HMBOX1: variants seen among roughly 807,000 people sequenced by gnomAD.
HMBOX1 encodes homeobox-containing protein 1.
In HMBOX1, 14 loss-of-function variants were observed where a neutral mutation model predicts 54.5. The observed-to-expected ratio is 0.26, with a 90% CI of 0.17 to 0.40. The LOEUF is 0.40. Among genes scored for constraint, HMBOX1 ranks in the 10% least tolerant of loss-of-function variants. The pLI, the probability that HMBOX1 is intolerant of heterozygous loss-of-function variation, is 1.00. For missense variants in HMBOX1, 332 were observed against 514.4 expected (o/e 0.65, Z 3.43); for synonymous variants, 160 against 181.0 (o/e 0.88, Z 0.93).
chr8:29,014,293 T>C (rs1156648933), intron 5 of HMBOX1, among the ~76,000 whole-genome samples: 4 of 152,226 alleles, frequency 2.6e-5, no homozygotes, highest in East Asian at 1.9e-4. Flanking sequence ...TGTAAGGAAA[T>C]AGACAACACA....
rs1338745166 is a variant in HMBOX1, at chr8:28,970,485, C to A, written c.466C>A (p.Leu156Ile). ...CAGTTTTGAAGCCTCAGAAGAGGAC[C>A]TAGATGTAGATGATAAAGTGGAAGA... Reference protein sequence around the residue: ...SYSFEASEEDLDVDDKVEELM... With the variant: ...SYSFEASEEDIDVDDKVEELM... Residue 156 changes from leucine (L) to isoleucine (I), a missense_variant, in exon 3 of 10, where the codon CTA becomes ATA. By Grantham distance (5) the Leu-to-Ile change is conservative. This residue lies in a region of HMBOX1 where 117 missense variants were observed against 220.0 expected (regional missense o/e 0.53). Coordinates refer to ENST00000287701, the MANE Select transcript of HMBOX1 (RefSeq NM_001135726.3). The surrounding 1 kb of genome is among the most constrained non-coding windows in gnomAD (Gnocchi z 4.3). 6.2e-7 allele frequency: 1 copy of A among 1,607,250 alleles called. No individual in the cohort carries two copies. The highest frequency in any genetic ancestry group is 8.5e-7 in the Non-Finnish European group (1 of 1,176,712).
chr8:28,936,688 T>G (rs1258184130), intron 1 of HMBOX1, among the ~76,000 whole-genome samples: 3 of 151,858 alleles, frequency 2.0e-5, no homozygotes, highest in Non-Finnish European at 1.5e-5. Flanking sequence ...AAATGAATCT[T>G]TTTAATATCT....
intron 4 of HMBOX1, among the ~76,000 whole-genome samples, chr8:29,002,065 T>C (rs1385275152): frequency 6.6e-6 from 1 of 152,196 alleles, no homozygotes; most frequent in Non-Finnish European, 1.5e-5. Flanking sequence ...CAATTTGTAT[T>C]GGCCAGGAAT....
chr8:28,977,974 A>AGAAG (rs1828716235), intron 3 of HMBOX1, among the ~76,000 whole-genome samples: 1 of 152,080 alleles, frequency 6.6e-6, no homozygotes, highest in Non-Finnish European at 1.5e-5. Context: ...AAAGAAAGAA[A>AGAAG]TATTTCAAAT....
chr8:28,896,784 C>T (rs1471497322), intron 1 of HMBOX1, among the ~76,000 whole-genome samples: 1 of 152,200 alleles, frequency 6.6e-6, no homozygotes, highest in Non-Finnish European at 1.5e-5. Flanking sequence ...ATGGTGTTCG[C>T]TCAACAATGA....
intron 4 of HMBOX1, among the ~76,000 whole-genome samples, chr8:28,988,748 A>G (rs1830514022): frequency 6.6e-6 from 1 of 151,984 alleles, no homozygotes; most frequent in Non-Finnish European, 1.5e-5. Flanking sequence ...CATGTCTGTC[A>G]AATCTTTTGT....
intron 1 of HMBOX1, among the ~76,000 whole-genome samples, chr8:28,936,980 G>C (rs1035486276): frequency 5.3e-5 from 8 of 151,976 alleles, no homozygotes; most frequent in African/African-American, 1.7e-4. Context: ...GGTGGTACAG[G>C]ATATAAGATG....
In HMBOX1 at chr8:29,018,789, A is replaced by G. The variant is rs376040742; in HGVS notation, c.727A>G (p.Ile243Val). 1 of 1,614,166 alleles carries G rather than the reference A, an allele frequency of 6.2e-7. No homozygotes were observed. The highest frequency in any genetic ancestry group is 1.7e-5 in the Admixed American group (1 of 60,026). ...GATLSMRPAP[I>V]PIEDPEWRQT... ...TACACTAAGTATGAGACCAGCCCCC[A>G]TTCCAATAGAGGACCCTGAATGGAG... Residue 243 changes from isoleucine to valine, a missense_variant, in exon 6 of 10, where the codon ATT (isoleucine) becomes GTT (valine). This residue lies in a region of HMBOX1 where 117 missense variants were observed against 220.0 expected (regional missense o/e 0.53). Transcript: ENST00000287701.
chr8:29,034,549 A>G (rs1803532468), intron 6 of HMBOX1, among the ~76,000 whole-genome samples: 1 of 152,176 alleles, frequency 6.6e-6, no homozygotes, highest in Admixed American at 6.5e-5. Flanking sequence ...TATCAGAATT[A>G]ATTTGGCTTT....
chr8:28,890,215 T>C, upstream of HMBOX1: 1 of 262,786 alleles, frequency 3.8e-6, no homozygotes, highest in Non-Finnish European at 7.4e-6. Context: ...CTGGGATGTG[T>C]AGTCCCGACG....
intron 1 of HMBOX1, among the ~76,000 whole-genome samples, chr8:28,911,878 C>A (rs1585729553): frequency 6.6e-6 from 1 of 152,088 alleles, no homozygotes; most frequent in African/African-American, 2.4e-5. Context: ...TACAGATGGT[C>A]CCCGACTTAC....
At chr8:29,010,820 A>T (rs968498935) in intron 5 of HMBOX1, among the ~76,000 whole-genome samples, 1 of 152,094 alleles carries the variant, frequency 6.6e-6, no homozygotes, top group Non-Finnish European at 1.5e-5. Flanking sequence ...TAGGTTGGAA[A>T]ATTGGGATAT....
chr8:29,050,962 G>C (rs1328917425), intron 9 of HMBOX1, 56 bp from the exon 10 acceptor site: 4 of 1,569,022 alleles, frequency 2.5e-6, no homozygotes, highest in Non-Finnish European at 2.6e-6. Flanking sequence ...ATGTCTCTCT[G>C]TGACTAAAGA....
intron 1 of HMBOX1, among the ~76,000 whole-genome samples, chr8:28,894,956 A>G (rs1811812219): frequency 6.6e-6 from 1 of 150,678 alleles, no homozygotes; most frequent in Non-Finnish European, 1.5e-5. Flanking sequence ...AAAAAAAAAC[A>G]GTAACAATAG....
At chr8:28,958,755 TG>T (rs1824934341) in intron 1 of HMBOX1, among the ~76,000 whole-genome samples, 1 of 152,210 alleles carries the variant, frequency 6.6e-6, no homozygotes, top group African/African-American at 2.4e-5. Context: ...GAATAATATT[TG>T]CCCTTCTTAT....
intron 1 of HMBOX1, among the ~76,000 whole-genome samples, chr8:28,916,481 G>T (rs190807006): frequency 6.6e-6 from 1 of 152,150 alleles, no homozygotes; most frequent in Non-Finnish European, 1.5e-5. Flanking sequence ...GAGTTAATGC[G>T]TGTAGAAGAT....
intron 6 of HMBOX1, among the ~76,000 whole-genome samples, chr8:29,023,060 T>TAA (rs200442322): frequency 0.015 from 2,304 of 152,268 alleles, 44 homozygotes; most frequent in South Asian, 0.068. Context: ...CTGTTTCTAC[T>TAA]AAATTTGGTA....
intron 4 of HMBOX1, among the ~76,000 whole-genome samples, chr8:28,999,079 C>T (rs1832269460): frequency 6.6e-6 from 1 of 152,064 alleles, no homozygotes; most frequent in Non-Finnish European, 1.5e-5. Flanking sequence ...TTTACTGTCA[C>T]TCTTATTTCT....
chr8:29,029,530 G>A (rs1802584513), intron 6 of HMBOX1, among the ~76,000 whole-genome samples: 1 of 152,154 alleles, frequency 6.6e-6, no homozygotes, highest in Admixed American at 6.5e-5. Context: ...GAGAGCCTTC[G>A]TTTGATTTCA....
Sources: gnomAD v4.1 joint callset for allele counts (sites outside exome capture counted in the v4.1 genomes callset) on GRCh38, gnomAD v4.1.1 for gene constraint, gnomAD v4.1.1 regional missense constraint, Gnocchi (gnomAD v3.1) non-coding constraint, MANE v1.5 for transcripts, NCBI Gene and HGNC (gene_info 2026-07-23, HGNC 2026-07-21) for gene names.